Variants in AFF3 observed in about 807,000 individuals in gnomAD.
The protein encoded by AFF3 is ALF transcription elongation factor 3, also known as AF4/FMR2 family member 3.
Under a neutral mutation model 129.7 loss-of-function variants are expected in AFF3, and 32 were observed. The observed-to-expected ratio is 0.25, with a 90% CI of 0.19 to 0.33. The LOEUF (loss-of-function observed/expected upper bound fraction) is 0.33, where lower values mean the gene tolerates loss of function less well. AFF3 is among the 10% of genes least tolerant of loss of function. The probability of loss-of-function intolerance (pLI) is 1.00; values close to 1 mark genes in which losing one functional copy is unlikely to be tolerated. For synonymous variants in AFF3, 644 were observed against 635.4 expected, an observed-to-expected ratio of 1.01 and a Z score of -0.20; for missense variants, 1,373 against 1,592.0, an observed-to-expected ratio of 0.86 and a Z score of 2.34.
chr2:99,722,480 C>T (rs958200130), intron 11 of AFF3, among the ~76,000 whole-genome samples: 6 of 152,118 alleles, frequency 3.9e-5, no homozygotes, highest in Admixed American at 6.5e-5. Context: ...TTCGGTTTTG[C>T]CCTTAATGTT....
At chr2:99,749,379 C>G (rs1388205655) in intron 9 of AFF3, among the ~76,000 whole-genome samples, 1 of 152,148 alleles carries the variant, frequency 6.6e-6, no homozygotes, top group East Asian at 1.9e-4. Flanking sequence ...ACTTAAGCAT[C>G]TACATGAAAC....
At chr2:99,933,739 C>T (rs1674263032) in intron 7 of AFF3, among the ~76,000 whole-genome samples, 2 of 152,260 alleles carry the variant, frequency 1.3e-5, no homozygotes, top group Admixed American at 1.3e-4. Flanking sequence ...TTTATCCAGT[C>T]TATCATTGAT....
chr2:100,114,122 G>T (rs1691631643), intron 2 of AFF3, among the ~76,000 whole-genome samples: 1 of 152,172 alleles, frequency 6.6e-6, no homozygotes, highest in South Asian at 2.1e-4. Flanking sequence ...AAGAGGAAAT[G>T]TCTTCTGAGA....
chr2:100,104,940 G>A (rs2105503241), intron 3 of AFF3: 2 of 157,146 alleles, frequency 1.3e-5, no homozygotes, highest in East Asian at 4.0e-4. Flanking sequence ...GCGCGCCCCT[G>A]TACTCCCCGC....
At chr2:99,702,928 A>G (rs531890212) in intron 11 of AFF3, among the ~76,000 whole-genome samples, 1 of 152,354 alleles carries the variant, frequency 6.6e-6, no homozygotes, top group East Asian at 1.9e-4. Flanking sequence ...AGTCCAATTT[A>G]CCAGTTTTTC....
chr2:99,652,490 A>T (rs1685351587), intron 12 of AFF3, among the ~76,000 whole-genome samples: 1 of 152,208 alleles, frequency 6.6e-6, no homozygotes, highest in Admixed American at 6.5e-5. Context: ...TAGGAATGAA[A>T]GGAGAGCAGA....
At chr2:100,012,868 T>C (rs1049447504) in intron 4 of AFF3, among the ~76,000 whole-genome samples, 7 of 152,248 alleles carry the variant, frequency 4.6e-5, no homozygotes, top group African/African-American at 1.4e-4. Context: ...TACTAGCAGA[T>C]GGTAAAAATT....
At chr2:99,894,718 G>A (rs562309149) in intron 7 of AFF3, among the ~76,000 whole-genome samples, 43 of 151,824 alleles carry the variant, frequency 2.8e-4, no homozygotes, top group African/African-American at 9.9e-4. Context: ...CTCGTGATCC[G>A]CCTACCTCGG....
intron 11 of AFF3, among the ~76,000 whole-genome samples, chr2:99,687,709 A>G (rs1675207845): frequency 6.6e-6 from 1 of 152,232 alleles, no homozygotes; most frequent in South Asian, 2.1e-4. Flanking sequence ...ATGCTTTTAT[A>G]GTAGTTTTAG....
intron 10 of AFF3, among the ~76,000 whole-genome samples, chr2:99,738,191 T>C (rs989496106): frequency 1.3e-5 from 2 of 152,118 alleles, no homozygotes; most frequent in African/African-American, 4.8e-5. Flanking sequence ...TCTTTTCTGA[T>C]TGTAAGTTGC....
chr2:99,569,243 A>G (rs1448228474), intron 18 of AFF3, among the ~76,000 whole-genome samples: 1 of 152,226 alleles, frequency 6.6e-6, no homozygotes, highest in Non-Finnish European at 1.5e-5. Context: ...TTTAGGTAAT[A>G]TTTACATAAA....
At chr2:99,621,673 G>GCT (rs1682029181) in intron 13 of AFF3, among the ~76,000 whole-genome samples, 1 of 152,210 alleles carries the variant, frequency 6.6e-6, no homozygotes, top group Non-Finnish European at 1.5e-5. Flanking sequence ...TATGTCAAGC[G>GCT]CTCAATGCGG....
chr2:99,562,820 C>A (rs1013618206), intron 20 of AFF3, among the ~76,000 whole-genome samples: 19 of 152,296 alleles, frequency 1.2e-4, no homozygotes, highest in African/African-American at 4.6e-4. Context: ...ACTTTGGGGG[C>A]TGTGGTTCCA....
At chr2:99,926,678 G>C (rs1978634) in intron 7 of AFF3, among the ~76,000 whole-genome samples, 132,295 of 151,916 alleles carry the variant, frequency 0.87, 57,823 homozygotes, top group African/African-American at 0.96. Flanking sequence ...AAGCATAGGA[G>C]CTGGTGCAAG....
chr2:99,774,280 C>A (rs1683720350), intron 8 of AFF3, among the ~76,000 whole-genome samples: 1 of 152,124 alleles, frequency 6.6e-6, no homozygotes, highest in Non-Finnish European at 1.5e-5. Flanking sequence ...ATAGCCAAGG[C>A]AATCCTAATC....
At chr2:100,074,634 T>C (rs571227416) in intron 4 of AFF3, among the ~76,000 whole-genome samples, 3 of 152,224 alleles carry the variant, frequency 2.0e-5, no homozygotes, top group African/African-American at 7.2e-5. Flanking sequence ...AGGGCTTTTA[T>C]CTCATTTTAC....
At chr2:100,111,664 T>C (rs1252598947) in intron 2 of AFF3, among the ~76,000 whole-genome samples, 3 of 152,248 alleles carry the variant, frequency 2.0e-5, no homozygotes, top group African/African-American at 7.2e-5. Flanking sequence ...TTGTCATTGT[T>C]TCTACCAATA....
At chr2:100,124,421 A>G (rs1296853713) in intron 2 of AFF3, among the ~76,000 whole-genome samples, 1 of 152,258 alleles carries the variant, frequency 6.6e-6, no homozygotes, top group Non-Finnish European at 1.5e-5. Context: ...CCAGATATCA[A>G]TCAAGTGTGA....
chr2:99,988,064 G>A (rs1234086714), intron 7 of AFF3, among the ~76,000 whole-genome samples: 3 of 152,102 alleles, frequency 2.0e-5, no homozygotes, highest in East Asian at 1.9e-4. Flanking sequence ...TATGTGAGCC[G>A]ACTGAAAATA....
Sources: gnomAD v4.1 joint callset for allele counts (sites outside exome capture counted in the v4.1 genomes callset) on GRCh38, gnomAD v4.1.1 for gene constraint, MANE v1.5 for transcripts, NCBI Gene and HGNC (gene_info 2026-07-23, HGNC 2026-07-21) for gene names.